Variants in LRRIQ3 observed in about 807,000 individuals in gnomAD.
The protein encoded by LRRIQ3 is leucine rich repeats and IQ motif containing 3.
Under a neutral mutation model 59.3 loss-of-function variants are expected in LRRIQ3, and 75 were observed. That is an observed-to-expected ratio of 1.26 (90% CI 1.05 to 1.53). The LOEUF is 1.53. LRRIQ3 is among the 40% of genes most tolerant of loss of function. LRRIQ3 has a pLI of 0.00. For missense variants in LRRIQ3, 831 were observed against 710.0 expected (o/e 1.17, Z -1.94); for synonymous variants, 250 against 231.3 (o/e 1.08, Z -0.73).
chr1:74,156,876 G>A (rs993018342), intron 3 of LRRIQ3, among the ~76,000 whole-genome samples: 4 of 152,112 alleles, frequency 2.6e-5, no homozygotes, highest in Middle Eastern at 3.4e-3. Context: ...CACTGTTTAT[G>A]TTTTGAATGT....
intron 6 of LRRIQ3, among the ~76,000 whole-genome samples, chr1:74,062,025 G>GT (rs1004218511): frequency 7.2e-5 from 11 of 151,886 alleles, no homozygotes; most frequent in African/African-American, 1.4e-4. Context: ...CAGAGTGAGA[G>GT]TTTTTTTCAA....
intron 5 of LRRIQ3, among the ~76,000 whole-genome samples, chr1:74,089,725 T>C (rs1470797574): frequency 6.6e-6 from 1 of 152,094 alleles, no homozygotes; most frequent in Non-Finnish European, 1.5e-5. Context: ...TTCTGGGGAA[T>C]AATGAAAATT....
chr1:74,109,072 A>G (rs1646652090), intron 5 of LRRIQ3, among the ~76,000 whole-genome samples: 1 of 151,708 alleles, frequency 6.6e-6, no homozygotes, highest in Non-Finnish European at 1.5e-5. Context: ...CCACTCTTTA[A>G]TAAACTAAAT....
chr1:74,116,648 G>T (rs1438863907), intron 4 of LRRIQ3, among the ~76,000 whole-genome samples: 1 of 151,964 alleles, frequency 6.6e-6, no homozygotes, highest in Non-Finnish European at 1.5e-5. Context: ...AAAATACAAG[G>T]AAGTGAGCAT....
At chr1:74,092,727 T>C (rs1023277451) in intron 5 of LRRIQ3, among the ~76,000 whole-genome samples, 3 of 152,092 alleles carry the variant, frequency 2.0e-5, no homozygotes, top group African/African-American at 7.2e-5. Context: ...AGGTACTCTT[T>C]GAAGTCTGCA....
At chr1:74,105,238 GGT>G (rs34023288) in intron 5 of LRRIQ3, among the ~76,000 whole-genome samples, 124,063 of 148,480 alleles carry the variant, frequency 0.84, 53,105 homozygotes, top group East Asian at 0.97. Flanking sequence ...ACATCTATGT[GGT>G]GTGTGTGTGT....
At chr1:74,143,672 A>G (rs56239170) in intron 4 of LRRIQ3, among the ~76,000 whole-genome samples, 2,716 of 151,694 alleles carry the variant, frequency 0.018, 84 homozygotes, top group African/African-American at 0.062. Flanking sequence ...TGTTGAACAC[A>G]CTCAGCATTC....
chr1:74,097,482 C>A (rs1646465152), intron 5 of LRRIQ3, among the ~76,000 whole-genome samples: 1 of 152,106 alleles, frequency 6.6e-6, no homozygotes, highest in African/African-American at 2.4e-5. Flanking sequence ...AAACACTCTG[C>A]AGGATATTAT....
intron 1 of LRRIQ3, among the ~76,000 whole-genome samples, chr1:74,197,316 G>GTTT (rs1651247919): frequency 6.6e-6 from 1 of 152,128 alleles, no homozygotes; most frequent in Non-Finnish European, 1.5e-5. Flanking sequence ...AATACCACAA[G>GTTT]TTCTGGGTTT....
chr1:74,182,751 G>T lies in LRRIQ3; in HGVS notation c.360C>A (p.Ala120=). Residue 120 remains alanine (A), a synonymous_variant, in exon 3 of 8, where the codon GCC becomes GCA. Coordinates refer to ENST00000354431, the MANE Select transcript of LRRIQ3 (RefSeq NM_001105659.2). ...TAGTGAGGGCAATGAGGGTTGGACAGGCAGATAATACACATATATTCTTTA... is the reference window on the plus strand; with the variant it reads ...TAGTGAGGGCAATGAGGGTTGGACATGCAGATAATACACATATATTCTTTA... ...AKLKNICVLS[A]CPTLIALTMF... is the part of the protein sequence containing the mutation. The T allele has an allele frequency of 6.2e-7, 1 of 1,612,084 alleles. No individual in the cohort carries two copies. Among genetic ancestry groups the T allele is most frequent in the Non-Finnish European group, 8.5e-7 (1 of 1,178,594 alleles).
At chr1:74,081,760 A>T (rs895214111) in intron 5 of LRRIQ3, among the ~76,000 whole-genome samples, 2 of 151,644 alleles carry the variant, frequency 1.3e-5, no homozygotes, top group South Asian at 2.1e-4. Flanking sequence ...AGTAGCTAAC[A>T]TATTATTAGT....
chr1:74,196,772 C>T (rs1258632665), intron 1 of LRRIQ3, among the ~76,000 whole-genome samples: 1 of 152,174 alleles, frequency 6.6e-6, no homozygotes, highest in Non-Finnish European at 1.5e-5. Flanking sequence ...TCTCACCATT[C>T]CCACTGCTAC....
chr1:74,041,751 TG>T lies in LRRIQ3; in HGVS notation c.1179del (p.Ile394LeufsTer11). The T allele has an allele frequency of 6.2e-7, 1 of 1,613,732 alleles. No individual in the cohort carries two copies. The highest frequency in any genetic ancestry group is 8.5e-7 in the Non-Finnish European group (1 of 1,179,784). ...CGCTCCAATCGTATGTCTTTTTTAA[TG>T]ATTGGCTTTGGATGAGTAGTATAGA... is the stretch of plus-strand genomic sequence containing the variant. ...QPIYTTHPKP[I>X]IKKDIRLERS... On this transcript the variant is annotated frameshift_variant, in exon 7 of 8. Transcript: ENST00000354431. LOFTEE classifies it high-confidence loss of function.
In LRRIQ3 at chr1:74,155,864, TC is replaced by T; in HGVS notation, c.575del (p.Gly192GlufsTer29). The T allele has an allele frequency of 7.3e-7, 1 of 1,362,572 alleles. No individual in the cohort carries two copies. Among genetic ancestry groups the T allele is most frequent in the Non-Finnish European group, 9.9e-7 (1 of 1,014,134 alleles). The allele number at this position is 1,362,572 out of a possible 1,614,324, so 84.4% of individuals were successfully genotyped here. On this transcript the variant is annotated frameshift_variant and splice_region_variant, in exon 4 of 8. Transcript: ENST00000354431. LOFTEE classifies it high-confidence loss of function. Reference sequence around the variant, plus strand: ...TATTAATTTCCTCTTCATAGGTTGTTCCCTGTATAAAGAAAATATAATTAAT... The same window carrying T: ...TATTAATTTCCTCTTCATAGGTTGTTCCTGTATAAAGAAAATATAATTAAT... The part of the protein sequence containing the change: ...FFNFCPALRK[G>X]TTYEEEINNI...
intron 5 of LRRIQ3, among the ~76,000 whole-genome samples, chr1:74,085,790 T>C (rs1646321813): frequency 6.6e-6 from 1 of 151,942 alleles, no homozygotes. Context: ...GAAGGACATA[T>C]AGTGATGCTT....
At chr1:74,164,515 A>G (rs1254827423) in intron 3 of LRRIQ3, among the ~76,000 whole-genome samples, 1 of 151,458 alleles carries the variant, frequency 6.6e-6, no homozygotes, top group African/African-American at 2.4e-5. Flanking sequence ...ATAAATAAAT[A>G]CATTTCTCTT....
At chr1:74,197,953 G>A (rs570661850) in intron 1 of LRRIQ3, 43 bp downstream of exon 1, 4 of 393,736 alleles carry the variant, frequency 1.0e-5, no homozygotes, top group Admixed American at 4.3e-5. Context: ...TATCCTTAGC[G>A]GGTCGGTTCT....
chr1:74,182,803 T>C lies in LRRIQ3; in HGVS notation c.308A>G (p.Tyr103Cys), dbSNP rs543159151. 6.2e-7 allele frequency: 1 copy of C among 1,604,292 alleles called. No homozygotes were observed. Among genetic ancestry groups the C allele is most frequent in the Non-Finnish European group, 8.5e-7 (1 of 1,174,646 alleles). The part of the protein sequence containing the change: ...WNGLKNLKLL[Y>C]LHDNGFAKLK... ...CTTTGCAAACCCATTGTCATGAAGATAGAGTAGTTTTAGGTTCTTCAATCC... is the reference window on the plus strand; with the variant it reads ...CTTTGCAAACCCATTGTCATGAAGACAGAGTAGTTTTAGGTTCTTCAATCC... The change falls in exon 3 of 8, where the codon TAT becomes TGT. Residue 103 changes from tyrosine (Y) to cysteine (C), a missense_variant. Physicochemically the swap from Tyr to Cys is radical, Grantham distance 194. Coordinates refer to ENST00000354431, the MANE Select transcript of LRRIQ3 (RefSeq NM_001105659.2).
intron 6 of LRRIQ3, among the ~76,000 whole-genome samples, chr1:74,049,819 TTAAAA>T (rs1654313748): frequency 1.3e-5 from 2 of 152,188 alleles, no homozygotes; most frequent in African/African-American, 2.4e-5. Flanking sequence ...TATTTTATTC[TTAAAA>T]TAAAATCATT....
Sources: gnomAD v4.1 joint callset for allele counts (sites outside exome capture counted in the v4.1 genomes callset) on GRCh38, gnomAD v4.1.1 for gene constraint, MANE v1.5 for transcripts, NCBI Gene and HGNC (gene_info 2026-07-23, HGNC 2026-07-21) for gene names.